Variants in MAF observed in about 807,000 individuals in gnomAD.
MAF encodes MAF bZIP transcription factor.
MAF carries 10 observed loss-of-function variants against 22.0 expected under a neutral mutation model. The observed-to-expected ratio is 0.45, with a 90% confidence interval of 0.28 to 0.77. MAF has a LOEUF of 0.77. MAF is among the 30% of genes least tolerant of loss of function. The probability of loss-of-function intolerance (pLI) is 0.12; values close to 1 mark genes in which losing one functional copy is unlikely to be tolerated. For missense variants in MAF, 544 were observed against 548.4 expected (o/e 0.99, Z 0.08); for synonymous variants, 337 against 255.8 (o/e 1.32, Z -3.03).
chr16:79,328,328 G>A, the MAF span, among the ~76,000 whole-genome samples: 1 of 151,964 alleles, frequency 6.6e-6, no homozygotes, highest in Non-Finnish European at 1.5e-5. Flanking sequence ...GAAGAGCCTA[G>A]AGACAAGGAA....
At chr16:79,435,745 G>C in the MAF span, among the ~76,000 whole-genome samples, 1 of 152,294 alleles carries the variant, frequency 6.6e-6, no homozygotes, top group African/African-American at 2.4e-5. Context: ...AGTTCACGCC[G>C]AGATGTGCAT....
chr16:79,505,516 G>A, the MAF span: 3 of 152,238 alleles, frequency 2.0e-5, no homozygotes, highest in Admixed American at 6.5e-5. Flanking sequence ...TCACCAGTAT[G>A]TCCGGAAGCT....
At chr16:79,323,988 A>G in the MAF span, among the ~76,000 whole-genome samples, 1 of 152,154 alleles carries the variant, frequency 6.6e-6, no homozygotes. Flanking sequence ...GAGCGTATGC[A>G]TCTTCACACT....
chr16:79,566,605 C>T, the MAF span, among the ~76,000 whole-genome samples: 1 of 152,216 alleles, frequency 6.6e-6, no homozygotes, highest in Admixed American at 6.5e-5. Context: ...GACCACGCCA[C>T]AAGTGTGGAT....
At chr16:79,238,437 T>C in the MAF span, among the ~76,000 whole-genome samples, 1 of 152,112 alleles carries the variant, frequency 6.6e-6, no homozygotes, top group Non-Finnish European at 1.5e-5. Flanking sequence ...TCATTTCTTT[T>C]AGGAGTCTAT....
the MAF span, among the ~76,000 whole-genome samples, chr16:79,423,136 G>T: frequency 2.6e-5 from 4 of 152,192 alleles, no homozygotes. Flanking sequence ...GTGCACGTGA[G>T]CAACATGTTT....
chr16:79,293,853 G>C, the MAF span, among the ~76,000 whole-genome samples: 1 of 152,002 alleles, frequency 6.6e-6, no homozygotes, highest in Non-Finnish European at 1.5e-5. Context: ...GAGAGAGAGA[G>C]AGAGAGAGAG....
At chr16:79,576,568 A>G in the MAF span, among the ~76,000 whole-genome samples, 2 of 151,204 alleles carry the variant, frequency 1.3e-5, no homozygotes, top group Non-Finnish European at 2.9e-5. Context: ...TTTTCAGAGG[A>G]GGGCAGCTAT....
chr16:79,427,114 A>G, the MAF span, among the ~76,000 whole-genome samples: 2 of 152,256 alleles, frequency 1.3e-5, no homozygotes, highest in East Asian at 1.9e-4. Flanking sequence ...CACACGTGAT[A>G]ATGAGTAGGA....
At chr16:79,209,664 T>C in the MAF span, among the ~76,000 whole-genome samples, 7 of 152,156 alleles carry the variant, frequency 4.6e-5, no homozygotes, top group Non-Finnish European at 1.0e-4. Context: ...CAAAACACCA[T>C]CTCCACCAGA....
At chr16:79,436,146 G>T in the MAF span, among the ~76,000 whole-genome samples, 1 of 152,164 alleles carries the variant, frequency 6.6e-6, no homozygotes, top group South Asian at 2.1e-4. Context: ...GCAGTGGCAT[G>T]ATCTCGGCTC....
the MAF span, among the ~76,000 whole-genome samples, chr16:79,384,225 C>A: frequency 6.6e-6 from 1 of 151,996 alleles, no homozygotes; most frequent in Non-Finnish European, 1.5e-5. Flanking sequence ...AAGTGGATCA[C>A]CTGAGGTCAG....
chr16:79,482,050 T>C, the MAF span, among the ~76,000 whole-genome samples: 1 of 151,760 alleles, frequency 6.6e-6, no homozygotes, highest in African/African-American at 2.4e-5. Flanking sequence ...CCTGCAGGGG[T>C]TCGGGGGCAG....
At chr16:79,228,720 CCT>C in the MAF span, among the ~76,000 whole-genome samples, 3 of 152,086 alleles carry the variant, frequency 2.0e-5, no homozygotes, top group East Asian at 5.8e-4. Context: ...AGATGTTTCT[CCT>C]CTGTTTCCAC....
At chr16:79,539,738 A>T in the MAF span, among the ~76,000 whole-genome samples, 4 of 152,226 alleles carry the variant, frequency 2.6e-5, no homozygotes, top group Non-Finnish European at 5.9e-5. Context: ...AGCTTTGGAT[A>T]ATGTTAATTA....
chr16:79,407,447 A>T, the MAF span, among the ~76,000 whole-genome samples: 2 of 152,024 alleles, frequency 1.3e-5, no homozygotes, highest in African/African-American at 4.8e-5. Flanking sequence ...AGCCCTTTGA[A>T]AGTTTCTCTC....
chr16:79,596,511 A>T, intron 1 of MAF: 2 of 1,050,406 alleles, frequency 1.9e-6, no homozygotes, highest in East Asian at 5.5e-5. Context: ...ATTGTAGATT[A>T]TTCTTTTCTT....
the MAF span, among the ~76,000 whole-genome samples, chr16:79,424,765 G>T: frequency 6.6e-6 from 1 of 152,148 alleles, no homozygotes; most frequent in Non-Finnish European, 1.5e-5. Flanking sequence ...TATGGCTGTT[G>T]TTGGTTCTAT....
chr16:79,233,772 T>C, the MAF span, among the ~76,000 whole-genome samples: 1 of 151,870 alleles, frequency 6.6e-6, no homozygotes, highest in Non-Finnish European at 1.5e-5. Flanking sequence ...GGCAAGCGGA[T>C]CACAAGGTCA....
Sources: gnomAD v4.1 joint callset for allele counts (sites outside exome capture counted in the v4.1 genomes callset) on GRCh38, gnomAD v4.1.1 for gene constraint, MANE v1.5 for transcripts, NCBI Gene and HGNC (gene_info 2026-07-23, HGNC 2026-07-21) for gene names.